The following ATP9A variants were observed in gnomAD, a reference collection of about 807,000 sequenced individuals.
The protein encoded by ATP9A is probable phospholipid-transporting ATPase IIA.
A neutral mutation model predicts 144.1 loss-of-function variants in ATP9A; 52 were observed. The ratio of observed to expected loss-of-function variants is 0.36; its 90% CI spans 0.29 to 0.45. ATP9A has a LOEUF of 0.45. ATP9A is among the 20% of genes least tolerant of loss of function. The pLI is 1.00. For synonymous variants in ATP9A, 582 were observed against 557.4 expected (o/e 1.04, Z -0.62); for missense variants, 947 against 1,392.7 (o/e 0.68, Z 5.09).
intron 1 of ATP9A, chr20:51,732,495 G>A (rs966898813): frequency 5.3e-5 from 8 of 152,184 alleles, no homozygotes; most frequent in Admixed American, 5.2e-4. Context: ...CCTTAAAGAT[G>A]AGCGAGCCAG....
chr20:51,675,283 A>G (rs1028757256), intron 10 of ATP9A, among the ~76,000 whole-genome samples: 2 of 152,228 alleles, frequency 1.3e-5, no homozygotes, highest in African/African-American at 4.8e-5. Context: ...TGGAGCGACC[A>G]TGACTGAAGT....
intron 15 of ATP9A, among the ~76,000 whole-genome samples, chr20:51,630,069 C>A (rs1236639019): frequency 6.6e-6 from 1 of 152,230 alleles, no homozygotes; most frequent in Non-Finnish European, 1.5e-5. Context: ...ACAACGCAGG[C>A]AATGTCCTAC....
intron 1 of ATP9A, among the ~76,000 whole-genome samples, chr20:51,737,889 C>T (rs1164103747): frequency 2.6e-5 from 4 of 152,070 alleles, no homozygotes; most frequent in Non-Finnish European, 5.9e-5. Context: ...TGGCGCAGAT[C>T]TATATCCTAT....
At chr20:51,620,839 A>G (rs2077223872) in intron 19 of ATP9A, among the ~76,000 whole-genome samples, 1 of 152,116 alleles carries the variant, frequency 6.6e-6, no homozygotes, top group Non-Finnish European at 1.5e-5. Context: ...TGTGTGTCTC[A>G]GGCAGCTAAA....
chr20:51,623,312 T>G (rs544856721), intron 18 of ATP9A, among the ~76,000 whole-genome samples: 2 of 152,180 alleles, frequency 1.3e-5, no homozygotes, highest in Non-Finnish European at 1.5e-5. Flanking sequence ...AAAAGAACGA[T>G]CAGGTGCACG....
Position 51,639,348 on chromosome 20 carries a change from C to T in ATP9A, c.1663G>A (p.Val555Met), listed in dbSNP as rs775409053. ...TYESKRMGII[V>M]RDESTGEITF... ...CATGAATAAAAACGACTCACCCGCA[C>T]GATGATGCCCATACGTTTGCTTTCA... The change falls in exon 15 of 28, where the codon GTG becomes ATG. Residue 555 changes from valine (V) to methionine (M), a missense_variant. Physicochemically the swap from Val to Met is conservative, Grantham distance 21. This residue lies in a region of ATP9A where 770 missense variants were observed against 1,047.9 expected (regional missense o/e 0.73). Transcript: ENST00000338821. 1.2e-6 allele frequency: 2 copies of T among 1,611,598 alleles called. No individual in the cohort carries two copies. The highest frequency in any genetic ancestry group is 8.5e-7 in the Non-Finnish European group (1 of 1,178,972).
intron 15 of ATP9A, among the ~76,000 whole-genome samples, chr20:51,637,839 T>C (rs2077299315): frequency 6.6e-6 from 1 of 151,282 alleles, no homozygotes. Flanking sequence ...TGTAGTCTTT[T>C]ATCCCTCACC....
At chr20:51,751,732 C>T (rs1000218778) in intron 1 of ATP9A, among the ~76,000 whole-genome samples, 2 of 152,144 alleles carry the variant, frequency 1.3e-5, no homozygotes, top group African/African-American at 2.4e-5. Flanking sequence ...GGACTGCAGG[C>T]GCCCACCACC....
intron 1 of ATP9A, among the ~76,000 whole-genome samples, chr20:51,763,758 T>C (rs1255942247): frequency 1.3e-5 from 2 of 152,168 alleles, no homozygotes. Flanking sequence ...CAAATCCAAA[T>C]ATATCAAGCA....
chr20:51,618,865 G>A, intron 20 of ATP9A, 59 bp from the exon 21 acceptor site: 1 of 1,583,308 alleles, frequency 6.3e-7, no homozygotes, highest in African/African-American at 1.3e-5. Flanking sequence ...CGTTGGTGGA[G>A]GTCGCTGCCG....
chr20:51,612,964 C>T (rs1041666027), intron 23 of ATP9A, among the ~76,000 whole-genome samples: 1 of 152,138 alleles, frequency 6.6e-6, no homozygotes, highest in African/African-American at 2.4e-5. Context: ...CCCAGGCCCT[C>T]CATGACGAGT....
intron 4 of ATP9A, among the ~76,000 whole-genome samples, chr20:51,699,333 C>CAAAAA (rs74175569): frequency 4.3e-5 from 3 of 70,466 alleles, no homozygotes; most frequent in South Asian, 6.1e-4. Context: ...AACTCAATCT[C>CAAAAA]AAAAAAAAAA....
At chr20:51,691,291 G>C (rs1376366933) in intron 7 of ATP9A, among the ~76,000 whole-genome samples, 1 of 152,034 alleles carries the variant, frequency 6.6e-6, no homozygotes, top group African/African-American at 2.4e-5. Flanking sequence ...ACATGTTGAA[G>C]CCCTGTCTCT....
At chr20:51,756,254 G>T (rs1394408629) in intron 1 of ATP9A, among the ~76,000 whole-genome samples, 2 of 150,952 alleles carry the variant, frequency 1.3e-5, no homozygotes, top group Non-Finnish European at 2.9e-5. Flanking sequence ...GTCCTCACAC[G>T]GTCTTTTCTC....
At chr20:51,606,786 G>A (rs958890851) in intron 26 of ATP9A, among the ~76,000 whole-genome samples, 4 of 152,134 alleles carry the variant, frequency 2.6e-5, no homozygotes, top group African/African-American at 9.6e-5. Flanking sequence ...CTGAGGTAGG[G>A]GGATCACCTG....
chr20:51,635,824 G>GGAA (rs1172081200), intron 15 of ATP9A, among the ~76,000 whole-genome samples: 24 of 110,164 alleles, frequency 2.2e-4, no homozygotes, highest in East Asian at 6.1e-4. Context: ...AAGGAAGGAA[G>GGAA]GGAGGGAGGG....
intron 27 of ATP9A, 80 bp from the exon 28 acceptor site, chr20:51,601,427 A>G (rs1284315811): frequency 3.6e-6 from 5 of 1,393,692 alleles, no homozygotes; most frequent in Non-Finnish European, 4.8e-6. Context: ...AGGCGTCACA[A>G]CTATCAAAGG....
chr20:51,637,727 T>C (rs1054063060), intron 15 of ATP9A, among the ~76,000 whole-genome samples: 5 of 151,748 alleles, frequency 3.3e-5, no homozygotes, highest in African/African-American at 7.3e-5. Flanking sequence ...CCAAAGGTTT[T>C]TGGGGAACAC....
At chr20:51,696,798 A>G (rs575556578) in intron 5 of ATP9A, among the ~76,000 whole-genome samples, 24 of 152,306 alleles carry the variant, frequency 1.6e-4, no homozygotes, top group African/African-American at 5.5e-4. Context: ...TACAGAAACA[A>G]GTTAAGACAC....
Sources: allele counts gnomAD v4.1 joint callset (sites outside exome capture counted in the v4.1 genomes callset), GRCh38; gene constraint gnomAD v4.1.1; regional missense constraint gnomAD v4.1.1; transcripts MANE v1.5; gene names NCBI Gene and HGNC (gene_info 2026-07-23, HGNC 2026-07-21).